HORMAD2: variants seen among roughly 807,000 people sequenced by gnomAD.
The protein encoded by HORMAD2 is HORMA domain containing 2.
A neutral mutation model predicts 38.8 loss-of-function variants in HORMAD2; 45 were observed. The observed-to-expected ratio is 1.16, with a 90% CI of 0.91 to 1.49. The LOEUF is 1.49. Ranked by LOEUF, HORMAD2 falls within the 40% of genes most tolerant of loss-of-function variation. The pLI is 0.00. For synonymous variants in HORMAD2, 126 were observed against 122.8 expected, an observed-to-expected ratio of 1.03 and a Z score of -0.17; for missense variants, 338 against 367.0, an observed-to-expected ratio of 0.92 and a Z score of 0.65.
intron 10 of HORMAD2, among the ~76,000 whole-genome samples, chr22:30,142,751 A>G (rs1361616792): frequency 1.3e-5 from 2 of 151,998 alleles, no homozygotes; most frequent in Non-Finnish European, 2.9e-5. Context: ...TGTTTATTGT[A>G]CCTCTATTCC....
At chr22:30,112,426 A>G in intron 6 of HORMAD2, 70 bp from the exon 7 acceptor site, 1 of 742,180 alleles carries the variant, frequency 1.3e-6, no homozygotes, top group Non-Finnish European at 2.3e-6. Context: ...CTCTATATAA[A>G]AAAGGTATTT....
At chr22:30,127,718 C>T (rs1051344294) in intron 10 of HORMAD2, among the ~76,000 whole-genome samples, 2 of 152,192 alleles carry the variant, frequency 1.3e-5, no homozygotes, top group Non-Finnish European at 2.9e-5. Context: ...AATGTATAGA[C>T]ATGAATATCC....
In HORMAD2 at chr22:30,104,417, G is replaced by A; in HGVS notation, c.274G>A (p.Asp92Asn). The A allele has an allele frequency of 1.2e-6, 2 of 1,610,966 alleles. No individual in the cohort carries two copies. The highest frequency in any genetic ancestry group is 2.2e-5 in the East Asian group (1 of 44,678). ...HIIRWIQGCF[D>N]ALEKRYLRMA... ...TCTTGACAGGATTCAAGGTTGTTTT[G>A]ATGCTTTGGAAAAGAGATACGTAAG... The change falls in exon 5 of 11, where the codon GAT becomes AAT. Residue 92 changes from aspartate (D) to asparagine (N), a missense_variant. Transcript: ENST00000336726.
intron 3 of HORMAD2, among the ~76,000 whole-genome samples, chr22:30,102,331 G>A (rs568891179): frequency 2.0e-5 from 3 of 152,212 alleles, no homozygotes; most frequent in Admixed American, 1.3e-4. Flanking sequence ...CCTAGGCAAC[G>A]GCAATGATAC....
chr22:30,090,995 C>T (rs2068671872), intron 1 of HORMAD2, among the ~76,000 whole-genome samples: 1 of 152,164 alleles, frequency 6.6e-6, no homozygotes, highest in Non-Finnish European at 1.5e-5. Flanking sequence ...ATCCAACCTC[C>T]TCCCTGCTGC....
intron 7 of HORMAD2, among the ~76,000 whole-genome samples, chr22:30,112,745 A>G (rs1921759443): frequency 6.6e-6 from 1 of 152,098 alleles, no homozygotes; most frequent in Non-Finnish European, 1.5e-5. Context: ...ATTGAGAAGA[A>G]CTGAGCTTAT....
At chr22:30,154,689 A>T (rs529127280) in intron 10 of HORMAD2, among the ~76,000 whole-genome samples, 23 of 152,352 alleles carry the variant, frequency 1.5e-4, no homozygotes, top group Non-Finnish European at 1.8e-4. Context: ...TTAATAGAAC[A>T]GGCCACTTAT....
chr22:30,130,534 A>G (rs1167972227), intron 10 of HORMAD2, among the ~76,000 whole-genome samples: 1 of 149,686 alleles, frequency 6.7e-6, no homozygotes, highest in African/African-American at 2.5e-5. Flanking sequence ...TGTCCTTATC[A>G]TTTAATCTGC....
Position 30,098,860 on chromosome 22 carries a change from T to G in HORMAD2, c.60T>G (p.Val20=). Residue 20 remains valine, a synonymous_variant, in exon 3 of 11, where the codon GTT becomes GTG. Coordinates refer to ENST00000336726, the MANE Select transcript of HORMAD2 (RefSeq NM_152510.4). ...ITIHKASKET[V]FPSQITNEHE... is the part of the protein sequence containing the mutation. ...CTCCGTTGTTTTTCCAGGAAACAGT[T>G]TTCCCATCCCAAATCACTAATGAGC... 6.2e-7 allele frequency: 1 copy of G among 1,609,138 alleles called. No homozygotes were observed. Among genetic ancestry groups the G allele is most frequent in the Non-Finnish European group, 8.5e-7 (1 of 1,178,132 alleles).
At chr22:30,175,273 T>C (rs1391865836) in intron 10 of HORMAD2, among the ~76,000 whole-genome samples, 1 of 141,994 alleles carries the variant, frequency 7.0e-6, no homozygotes, top group African/African-American at 2.6e-5. Flanking sequence ...TATAATAATA[T>C]ATATAATATA....
chr22:30,204,023 A>G, the HORMAD2 span, among the ~76,000 whole-genome samples: 1 of 152,120 alleles, frequency 6.6e-6, no homozygotes, highest in Non-Finnish European at 1.5e-5. Context: ...CCTCACACCT[A>G]CATACCCCCC....
intron 10 of HORMAD2, among the ~76,000 whole-genome samples, chr22:30,159,166 G>T (rs942249429): frequency 6.6e-6 from 1 of 152,106 alleles, no homozygotes; most frequent in Non-Finnish European, 1.5e-5. Context: ...AAAATAAGGC[G>T]GAGAGTTTCA....
the HORMAD2 span, among the ~76,000 whole-genome samples, chr22:30,187,389 T>G: frequency 5.9e-5 from 9 of 152,182 alleles, no homozygotes; most frequent in Admixed American, 6.5e-5. Flanking sequence ...AGTCTGTGCT[T>G]TTAACCACCA....
In HORMAD2 at chr22:30,099,261, C is replaced by A. The variant is rs117568053; in HGVS notation, c.193+268C>A. 3.5e-3 allele frequency among the ~76,000 whole-genome samples: 533 copies of A among 152,286 alleles called. 2 individuals carry two copies. Among genetic ancestry groups the A allele is most frequent in the Non-Finnish European group, 5.8e-3 (394 of 68,014 alleles). ...TCCAGTATAAAAGCAACAGCTAGAT[C>A]AAAATCTATTTGAATGCTGTAGATT... On this transcript the variant is annotated intron_variant, in intron 3 of 10. Coordinates refer to ENST00000336726, the MANE Select transcript of HORMAD2 (RefSeq NM_152510.4).
In HORMAD2 at chr22:30,141,756, G is replaced by A. The variant is rs761651753; in HGVS notation, c.819+19542G>A. 9.9e-5 allele frequency among the ~76,000 whole-genome samples: 15 copies of A among 151,860 alleles called. No homozygotes were observed. In the South Asian group the frequency reaches 1.0e-3, roughly 11 times the overall value. ...ATTACAGGCATGTGCCACCACCCCC[G>A]GCTAATTTTTTTGTATTTTTAATAG... On this transcript the variant is annotated intron_variant, in intron 10 of 10. Coordinates refer to ENST00000336726, the MANE Select transcript of HORMAD2 (RefSeq NM_152510.4).
chr22:30,112,897 G>T, intron 7 of HORMAD2, among the ~76,000 whole-genome samples: 1 of 151,544 alleles, frequency 6.6e-6, no homozygotes, highest in East Asian at 1.9e-4. Flanking sequence ...TATTTAAACT[G>T]ATTATGAATC....
At chr22:30,202,179 C>T in the HORMAD2 span, among the ~76,000 whole-genome samples, 3 of 152,172 alleles carry the variant, frequency 2.0e-5, no homozygotes, top group Non-Finnish European at 4.4e-5. Context: ...CAGCAGGCAC[C>T]AGGCCAGATG....
rs751092267 is a variant in HORMAD2, at chr22:30,099,019, T to A, written c.193+26T>A. ...GTAAAGTTAAACTAACTAGTCTCTT[T>A]GGCTGTTGTAGCCCCTTTCTCTATT... On this transcript the variant is annotated intron_variant, in intron 3 of 10. Coordinates refer to ENST00000336726, the MANE Select transcript of HORMAD2 (RefSeq NM_152510.4). 3.5e-5 allele frequency: 56 copies of A among 1,595,890 alleles called. No individual in the cohort carries two copies. In the African/African-American group the frequency reaches 5.4e-4, roughly 15 times the overall value.
intron 10 of HORMAD2, among the ~76,000 whole-genome samples, chr22:30,175,708 G>C (rs1926414236): frequency 6.6e-6 from 1 of 152,100 alleles, no homozygotes. Flanking sequence ...AATTACATTT[G>C]CCTCTAAAGC....
Sources: gnomAD v4.1 joint callset for allele counts (sites outside exome capture counted in the v4.1 genomes callset) on GRCh38, gnomAD v4.1.1 for gene constraint, MANE v1.5 for transcripts, NCBI Gene and HGNC (gene_info 2026-07-23, HGNC 2026-07-21) for gene names.